RP1: variants seen among roughly 807,000 people sequenced by gnomAD.
RP1 encodes the protein RP1 axonemal microtubule associated.
A neutral mutation model predicts 14.8 loss-of-function variants in RP1; 16 were observed. The observed-to-expected ratio is 1.08, with a 90% confidence interval of 0.73 to 1.65. RP1 has a LOEUF of 1.65. RP1 is among the 40% of genes most tolerant of loss of function. RP1 has a pLI of 0.00. For missense variants in RP1, 2,631 were observed against 2,535.0 expected, an observed-to-expected ratio of 1.04 and a Z score of -0.81; for synonymous variants, 876 against 883.6, an observed-to-expected ratio of 0.99 and a Z score of 0.15.
At chr8:54,757,605 C>T (rs770507029) in intron 21 of RP1, among the ~76,000 whole-genome samples, 1 of 152,350 alleles carries the variant, frequency 6.6e-6, no homozygotes, top group South Asian at 2.1e-4. Context: ...CTCTGTGAAA[C>T]ATCTCTCAGA....
intron 7 of RP1, among the ~76,000 whole-genome samples, chr8:54,665,310 A>C (rs1806993029): frequency 1.3e-5 from 2 of 152,100 alleles, no homozygotes; most frequent in South Asian, 4.1e-4. Flanking sequence ...CAAACTTGTG[A>C]GACTGGCTTC....
chr8:54,701,811 A>T, intron 14 of RP1: 1 of 675,002 alleles, frequency 1.5e-6, no homozygotes, highest in South Asian at 2.0e-5. Context: ...TCTGTTTGGC[A>T]GACTTTGAAA....
chr8:54,839,989 A>G (rs1339141870), intron 25 of RP1, among the ~76,000 whole-genome samples: 1 of 152,210 alleles, frequency 6.6e-6, no homozygotes, highest in East Asian at 1.9e-4. Flanking sequence ...TGAAGGTGGC[A>G]GTGGTATCCA....
intron 12 of RP1, among the ~76,000 whole-genome samples, chr8:54,688,991 G>A (rs111265388): frequency 3.3e-5 from 5 of 152,234 alleles, no homozygotes; most frequent in African/African-American, 1.2e-4. Flanking sequence ...ATTTCGTTGA[G>A]CAGTGGTTTG....
chr8:54,561,587 G>A (rs367598125), intron 1 of RP1: 45 of 152,318 alleles, frequency 3.0e-4, no homozygotes, highest in African/African-American at 9.4e-4. Context: ...AACTGGCCAA[G>A]TCATAGAGAA....
At position 54,693,403 on chromosome 8, in the gene RP1, T is replaced by A. The variant is rs567785647; in HGVS notation, c.1718-6064T>A. ...GATGGCCTTGAATCTATAAAATACC[T>A]TGGACAGTATGGCCATTTTCACAAT... On this transcript the variant is annotated intron_variant, in intron 12 of 22. Transcript: ENST00000636932. Among the ~76,000 whole-genome samples, 391 of 152,322 alleles carry A rather than the reference T, an allele frequency of 2.6e-3. 3 individuals are homozygous for A. The highest frequency in any genetic ancestry group is 3.3e-3 in the Non-Finnish European group (222 of 68,034).
In RP1 at chr8:54,800,413, GA is replaced by G. The variant is rs147100367; in HGVS notation, c.3615+16707del. 5.3e-3 allele frequency among the ~76,000 whole-genome samples: 802 copies of G among 151,942 alleles called. 7 individuals are homozygous for G. The highest frequency in any genetic ancestry group is 0.018 in the African/African-American group (761 of 41,488). ...TGATTTGGTTTCTGTATCTAATTTTGAAAATTTTTGACCATTATCTTTGGAA... is the reference window on the plus strand; with the variant it reads ...TGATTTGGTTTCTGTATCTAATTTTGAAATTTTTGACCATTATCTTTGGAA... On this transcript the variant is annotated intron_variant, in intron 24 of 28. Coordinates refer to the RP1 transcript ENST00000637698.
chr8:54,607,054 A>G (rs377601508), intron 1 of RP1, among the ~76,000 whole-genome samples: 4 of 152,292 alleles, frequency 2.6e-5, no homozygotes, highest in African/African-American at 9.6e-5. Context: ...CGTCAAAGTC[A>G]TTCTCCATCC....
At chr8:54,715,400 G>T (rs539060945) in intron 15 of RP1, among the ~76,000 whole-genome samples, 1 of 152,146 alleles carries the variant, frequency 6.6e-6, no homozygotes, top group African/African-American at 2.4e-5. Context: ...GCAGGAAAGA[G>T]GAAATAAAGG....
Position 54,681,597 on chromosome 8 carries a change from G to A in RP1, c.1717+1664G>A, listed in dbSNP as rs1040293573. The stretch of plus-strand genomic sequence containing the variant: ...GTGCAGGTTTGTTACACAGGTAAAC[G>A]TGTGCCATGGTGGTTTGCTGTACAG... On this transcript the variant is annotated intron_variant, in intron 12 of 22. Coordinates refer to the RP1 transcript ENST00000636932. Among the ~76,000 whole-genome samples, 6 of 151,310 alleles carry A rather than the reference G, an allele frequency of 4.0e-5. No individual in the cohort carries two copies. The South Asian group carries it at 6.3e-4, about 16-fold the overall frequency.
chr8:54,656,054 T>C (rs1217277153), intron 5 of RP1: 1 of 1,460,160 alleles, frequency 6.8e-7, no homozygotes, highest in Non-Finnish European at 9.1e-7. Context: ...ATTCCTACAT[T>C]TTTAAAAGTA....
intron 1 of RP1, among the ~76,000 whole-genome samples, chr8:54,583,836 C>T (rs4370509): frequency 0.19 from 28,530 of 152,022 alleles, 2,741 homozygotes; most frequent in African/African-American, 0.22. Flanking sequence ...TCTGTGGGAT[C>T]GGTGGTGATA....
At position 54,737,021 on chromosome 8, in the gene RP1, T is replaced by C. The variant is rs1375959479; in HGVS notation, c.2722-1922T>C. Among the ~76,000 whole-genome samples, 3 of 152,170 alleles carry C rather than the reference T, an allele frequency of 2.0e-5. No individual in the cohort carries two copies. In the East Asian group the frequency reaches 5.8e-4, roughly 29 times the overall value. On this transcript the variant is annotated intron_variant, in intron 18 of 22. Coordinates refer to the RP1 transcript ENST00000636932. ...TTTCATTGGCATCATTTGCCACTTA[T>C]AAGTTTGTCTTTCATTCTCTTTTCC...
At chr8:54,772,974 T>C (rs1161748233), downstream of RP1, among the ~76,000 whole-genome samples, 1 of 152,204 alleles carries the variant, frequency 6.6e-6, no homozygotes, top group Admixed American at 6.5e-5. Flanking sequence ...TTTCTCAACC[T>C]TTGTGGGGAC....
intron 22 of RP1, among the ~76,000 whole-genome samples, chr8:54,762,760 G>T (rs533634191): frequency 6.6e-6 from 1 of 152,088 alleles, no homozygotes; most frequent in Non-Finnish European, 1.5e-5. Flanking sequence ...AGGTGTCATC[G>T]GGGCCTCACT....
chr8:54,564,460 G>A (rs1223125872), intron 1 of RP1, among the ~76,000 whole-genome samples: 1 of 152,128 alleles, frequency 6.6e-6, no homozygotes, highest in Non-Finnish European at 1.5e-5. Context: ...GAGCTCAGAG[G>A]GTTGTTGTGA....
At chr8:54,732,546 T>A (rs1808818013) in intron 17 of RP1, among the ~76,000 whole-genome samples, 1 of 152,132 alleles carries the variant, frequency 6.6e-6, no homozygotes, top group South Asian at 2.1e-4. Context: ...TGAAAGTGAT[T>A]CTTTTAGATG....
intron 25 of RP1, among the ~76,000 whole-genome samples, chr8:54,847,658 C>G (rs1157104626): frequency 6.6e-6 from 1 of 152,214 alleles, no homozygotes; most frequent in South Asian, 2.1e-4. Flanking sequence ...GCTCTGGGAG[C>G]CCCTCTACTC....
At chr8:54,804,546 T>TAA (rs141428596) in intron 24 of RP1, among the ~76,000 whole-genome samples, 2 of 149,872 alleles carry the variant, frequency 1.3e-5, no homozygotes, top group African/African-American at 4.9e-5. Flanking sequence ...TCAAAAAGGC[T>TAA]AAAAAAAAAT....
Sources: gnomAD v4.1 joint callset for allele counts (sites outside exome capture counted in the v4.1 genomes callset) on GRCh38, gnomAD v4.1.1 for gene constraint, MANE v1.5 for transcripts, NCBI Gene and HGNC (gene_info 2026-07-23, HGNC 2026-07-21) for gene names.